ABCA8: variants seen among roughly 807,000 people sequenced by gnomAD.
ABCA8 encodes ATP binding cassette subfamily A member 8.
ABCA8 carries 177 observed loss-of-function variants against 192.3 expected under a neutral mutation model. The ratio of observed to expected loss-of-function variants is 0.92; its 90% CI spans 0.81 to 1.04. The LOEUF (loss-of-function observed/expected upper bound fraction) is 1.04. Ranked by LOEUF, ABCA8 falls within the 50% of genes least tolerant of loss-of-function variation. The pLI, the probability that ABCA8 is intolerant of heterozygous loss-of-function variation, is 0.00. For missense variants in ABCA8, 1,915 were observed against 1,904.8 expected, an observed-to-expected ratio of 1.01 and a Z score of -0.10; for synonymous variants, 642 against 690.2, an observed-to-expected ratio of 0.93 and a Z score of 1.09.
chr17:68,930,489 C>G (rs1232567285), intron 7 of ABCA8, among the ~76,000 whole-genome samples: 2 of 151,962 alleles, frequency 1.3e-5, no homozygotes, highest in African/African-American at 4.8e-5. Context: ...TCTTTGAAAA[C>G]TATAATGAAA....
chr17:68,935,570 T>TATATATA (rs1389554406), intron 5 of ABCA8, among the ~76,000 whole-genome samples: 7 of 48,396 alleles, frequency 1.4e-4, no homozygotes, highest in Non-Finnish European at 2.2e-4. Context: ...ATATATATAT[T>TATATATA]ATCTTCTTTA....
Position 68,924,776 on chromosome 17 carries a change from T to G in ABCA8, c.1367A>C (p.Glu456Ala). The change falls in exon 11 of 40, where the codon GAA becomes GCA. Residue 456 changes from glutamate (E) to alanine (A), a missense_variant. Transcript: ENST00000586539. ...ATGAAATGAAGGATCGGCATCCATT[T>G]CATCTTCAAGGGCCACGTGATCAGT... ...QKTDHVALEDEMDADPSFHDS... is the reference protein window; with the variant it reads ...QKTDHVALEDAMDADPSFHDS... The G allele has an allele frequency of 1.9e-6, 3 of 1,614,166 alleles. No individual in the cohort carries two copies. Among genetic ancestry groups the G allele is most frequent in the Non-Finnish European group, 2.5e-6 (3 of 1,179,986 alleles).
At chr17:68,935,656 G>A (rs2068047224) in intron 5 of ABCA8, among the ~76,000 whole-genome samples, 1 of 149,900 alleles carries the variant, frequency 6.7e-6, no homozygotes, top group African/African-American at 2.5e-5. Context: ...ATAAACATAT[G>A]AGTGCAGGTA....
intron 21 of ABCA8, among the ~76,000 whole-genome samples, 170 bp downstream of exon 21, chr17:68,902,543 T>C (rs1412606595): frequency 2.0e-5 from 3 of 152,224 alleles, no homozygotes; most frequent in Non-Finnish European, 4.4e-5. Context: ...GAAAATACTT[T>C]ACCTATTCCT....
intron 24 of ABCA8, among the ~76,000 whole-genome samples, chr17:68,888,140 A>G (rs1027378620): frequency 2.0e-5 from 3 of 150,756 alleles, no homozygotes; most frequent in African/African-American, 7.3e-5. Context: ...ATTGGAATAA[A>G]AGAAATTGTG....
In ABCA8 at chr17:68,884,287, A is replaced by T. The variant is rs777853873; in HGVS notation, c.3615+44T>A. 17 of 1,491,112 alleles carry T rather than the reference A, an allele frequency of 1.1e-5. No individual in the cohort carries two copies. In the East Asian group the frequency reaches 4.1e-4, roughly 36 times the overall value. 92.4% of individuals were successfully genotyped at this position (1,491,112 alleles called of 1,614,324 possible). A position where few individuals can be genotyped will look rare whatever the true frequency, so the allele number is the denominator to read the frequency against. ...TGTGTACAGAACTGAAAATTATTAAATTTAGTAAAAAGTGATAATTTTTAA... is the reference window on the plus strand; with the variant it reads ...TGTGTACAGAACTGAAAATTATTAATTTTAGTAAAAAGTGATAATTTTTAA... On this transcript the variant is annotated intron_variant, in intron 28 of 39. Coordinates refer to ENST00000586539, the MANE Select transcript of ABCA8 (RefSeq NM_001288985.2).
chr17:68,952,857 A>G (rs1232083949), intron 1 of ABCA8, among the ~76,000 whole-genome samples: 1 of 152,212 alleles, frequency 6.6e-6, no homozygotes, highest in East Asian at 1.9e-4. Flanking sequence ...CAGTTTCAGC[A>G]TGTTCAATCT....
At chr17:68,905,945 G>A in intron 19 of ABCA8, 99 bp downstream of exon 19, 1 of 1,128,134 alleles carries the variant, frequency 8.9e-7, no homozygotes, top group South Asian at 1.9e-5. Flanking sequence ...TCTAAGAAGA[G>A]CCTTAATCAT....
At chr17:68,924,978 G>A in intron 10 of ABCA8, 109 bp from the exon 11 acceptor site, 2 of 1,123,100 alleles carry the variant, frequency 1.8e-6, no homozygotes, top group East Asian at 5.0e-5. Flanking sequence ...ACCTGAACAT[G>A]TGGTCAACAG....
intron 24 of ABCA8, among the ~76,000 whole-genome samples, chr17:68,890,892 T>A (rs1021039837): frequency 3.3e-5 from 5 of 152,206 alleles, no homozygotes; most frequent in Admixed American, 6.5e-5. Context: ...TTATCTTTTT[T>A]AAAATAGCAT....
chr17:68,948,315 C>T lies in ABCA8; in HGVS notation c.-6+997G>A, dbSNP rs1280496566. On this transcript the variant is annotated intron_variant, in intron 2 of 39. Coordinates refer to ENST00000586539, the MANE Select transcript of ABCA8 (RefSeq NM_001288985.2). Reference sequence around the variant, plus strand: ...TTTCTGATCCTAGATCCTGAGGAATCGCCACACTGTCTTCCACAATGGTTG... The same window carrying T: ...TTTCTGATCCTAGATCCTGAGGAATTGCCACACTGTCTTCCACAATGGTTG... 7.2e-5 allele frequency among the ~76,000 whole-genome samples: 11 copies of T among 152,178 alleles called. 1 individual carries two copies. In the East Asian group the frequency reaches 1.3e-3, roughly 19 times the overall value.
rs778514829 is a variant in ABCA8 at position 68,917,457 on chromosome 17, AAAG to A, written c.2048-9_2048-7del. On this transcript the variant is annotated splice_region_variant and splice_polypyrimidine_tract_variant and intron_variant, in intron 16 of 39. Transcript: ENST00000586539. ...GGAGAGAAATACTTTCCTGTCTGAA[AAAG>A]AAGAAGAGCAAAGAAGAAAGTTTGT... is the stretch of plus-strand genomic sequence containing the variant. 143 of 1,601,444 alleles carry A rather than the reference AAAG, an allele frequency of 8.9e-5. No individual in the cohort carries two copies. Among genetic ancestry groups the A allele is most frequent in the Middle Eastern group, 1.7e-4 (1 of 6,020 alleles).
At chr17:68,935,812 G>A (rs1291023234) in intron 5 of ABCA8, among the ~76,000 whole-genome samples, 1 of 151,790 alleles carries the variant, frequency 6.6e-6, no homozygotes, top group Non-Finnish European at 1.5e-5. Flanking sequence ...TTCTACCAAC[G>A]ATGTATAAGT....
intron 33 of ABCA8, among the ~76,000 whole-genome samples, chr17:68,876,908 T>G (rs534325046): frequency 6.6e-6 from 1 of 152,220 alleles, no homozygotes; most frequent in Non-Finnish European, 1.5e-5. Flanking sequence ...TAGAAGGACA[T>G]GACATGATAT....
At chr17:68,954,520 G>T (rs1036061759) in intron 1 of ABCA8, among the ~76,000 whole-genome samples, 3 of 152,084 alleles carry the variant, frequency 2.0e-5, no homozygotes, top group African/African-American at 7.2e-5. Context: ...GTCTCAAATT[G>T]TAATGACTCA....
At chr17:68,884,189 G>T (rs564055785) in intron 28 of ABCA8, 142 bp downstream of exon 28, 1 of 866,984 alleles carries the variant, frequency 1.2e-6, no homozygotes, top group East Asian at 3.1e-5. Context: ...TAATTCTTCC[G>T]GATTTTACAA....
At position 68,887,317 on chromosome 17, in the gene ABCA8, C is replaced by T. The variant is rs762977594; in HGVS notation, c.3315+19G>A. 6.4e-7 allele frequency: 1 copy of T among 1,572,164 alleles called. No individual in the cohort carries two copies. Among genetic ancestry groups the T allele is most frequent in the Non-Finnish European group, 8.7e-7 (1 of 1,154,308 alleles). On this transcript the variant is annotated intron_variant, in intron 25 of 39. Coordinates refer to ENST00000586539, the MANE Select transcript of ABCA8 (RefSeq NM_001288985.2). ...ATGATATTGTGAATATTGTCACTTA[C>T]TTGGATATTGTCACTTACTTGAATA...
intron 25 of ABCA8, 94 bp from the exon 26 acceptor site, chr17:68,887,224 T>C: frequency 7.4e-7 from 1 of 1,349,762 alleles, no homozygotes; most frequent in Non-Finnish European, 1.0e-6. Flanking sequence ...CAGGATTTTA[T>C]AGTTCTTTAA....
At position 68,911,734 on chromosome 17, in the gene ABCA8, T is replaced by TAC. The variant is rs60957466; in HGVS notation, c.2139-3857_2139-3856dup. Among the ~76,000 whole-genome samples, 5,825 of 143,804 alleles carry TAC rather than the reference T, an allele frequency of 0.041. 160 individuals are homozygous for TAC. Among genetic ancestry groups the TAC allele is most frequent in the African/African-American group, 0.082 (3,221 of 39,154 alleles). The allele number at this position is 143,804 out of a possible 152,430, so 94.3% of individuals were successfully genotyped here. On this transcript the variant is annotated intron_variant, in intron 17 of 39. Transcript: ENST00000586539. The surrounding 1 kb of genome is among the most constrained non-coding windows in gnomAD (Gnocchi z 5.7). ...CCTCTGCCAGCTCCAGACAGCTCAA[T>TAC]ACACACACACACACACACACACACA...
Sources: gnomAD v4.1 joint callset for allele counts (sites outside exome capture counted in the v4.1 genomes callset) on GRCh38, gnomAD v4.1.1 for gene constraint, Gnocchi (gnomAD v3.1) non-coding constraint, MANE v1.5 for transcripts, NCBI Gene and HGNC (gene_info 2026-07-23, HGNC 2026-07-21) for gene names.